The following GALNT13 variants were observed in gnomAD, a reference collection of about 807,000 sequenced individuals.
The protein encoded by GALNT13 is polypeptide N-acetylgalactosaminyltransferase 13, also known as UDP-GalNAc:polypeptide N-acetylgalactosaminyltransferase 13.
A neutral mutation model predicts 64.2 loss-of-function variants in GALNT13; 28 were observed. The ratio of observed to expected loss-of-function variants is 0.44; its 90% CI spans 0.32 to 0.60. The LOEUF (loss-of-function observed/expected upper bound fraction) is 0.60, where lower values mean the gene tolerates loss of function less well. GALNT13 is among the 20% of genes least tolerant of loss of function. The pLI, the probability that GALNT13 is intolerant of heterozygous loss-of-function variation, is 0.05. For synonymous variants in GALNT13, 214 were observed against 224.6 expected (o/e 0.95, Z 0.42); for missense variants, 577 against 669.8 (o/e 0.86, Z 1.53).
At chr2:153,079,807 C>T in the GALNT13 span, among the ~76,000 whole-genome samples, 6 of 152,222 alleles carry the variant, frequency 3.9e-5, no homozygotes, top group East Asian at 1.9e-4. Flanking sequence ...GAAGTAGTTG[C>T]GTTATTGGCT....
the GALNT13 span, among the ~76,000 whole-genome samples, chr2:153,489,920 G>A: frequency 6.6e-6 from 1 of 151,920 alleles, no homozygotes; most frequent in Admixed American, 6.6e-5. Flanking sequence ...GGAGTTTGAA[G>A]CTACAGTGAG....
intron 9 of GALNT13, among the ~76,000 whole-genome samples, chr2:154,320,130 T>C (rs1177102451): frequency 6.6e-6 from 1 of 152,130 alleles, no homozygotes; most frequent in Non-Finnish European, 1.5e-5. Flanking sequence ...AGGGTAGCTA[T>C]TTACCAAGAT....
the GALNT13 span, among the ~76,000 whole-genome samples, chr2:153,797,651 A>G: frequency 1.2e-4 from 18 of 152,184 alleles, no homozygotes; most frequent in Non-Finnish European, 2.4e-4. Context: ...GTGTTATAAA[A>G]GAATTAGAAA....
chr2:153,521,817 T>A, the GALNT13 span, among the ~76,000 whole-genome samples: 1 of 152,188 alleles, frequency 6.6e-6, no homozygotes, highest in Non-Finnish European at 1.5e-5. Flanking sequence ...ATTGATCTCT[T>A]TCCCTTAGTA....
the GALNT13 span, among the ~76,000 whole-genome samples, chr2:153,829,309 T>C: frequency 0.73 from 111,199 of 151,924 alleles, 42,459 homozygotes; most frequent in Non-Finnish European, 0.83. Flanking sequence ...AAGACTGGGT[T>C]ATTTACAAAA....
the GALNT13 span, among the ~76,000 whole-genome samples, chr2:153,582,021 A>G: frequency 6.6e-6 from 1 of 152,288 alleles, no homozygotes; most frequent in Admixed American, 6.5e-5. Flanking sequence ...AAGGCAAAGC[A>G]GAGATTCAAG....
chr2:153,937,637 A>G (rs1422958399), intron 2 of GALNT13, among the ~76,000 whole-genome samples: 1 of 152,212 alleles, frequency 6.6e-6, no homozygotes, highest in Non-Finnish European at 1.5e-5. Flanking sequence ...TTATATCTCA[A>G]TAAAACTTTT....
the GALNT13 span, among the ~76,000 whole-genome samples, chr2:153,164,589 T>C: frequency 0.12 from 17,995 of 152,238 alleles, 1,164 homozygotes; most frequent in Non-Finnish European, 0.15. Flanking sequence ...GACCCCATCA[T>C]CACAATCAAG....
chr2:153,664,235 C>G, the GALNT13 span, among the ~76,000 whole-genome samples: 1 of 152,148 alleles, frequency 6.6e-6, no homozygotes, highest in African/African-American at 2.4e-5. Flanking sequence ...CAGACACTCC[C>G]AGAGTGGCCG....
chr2:153,816,659 T>G, the GALNT13 span, among the ~76,000 whole-genome samples: 1 of 152,162 alleles, frequency 6.6e-6, no homozygotes, highest in African/African-American at 2.4e-5. Context: ...TATAAAAGAT[T>G]GATAATTAAT....
chr2:153,973,633 T>G (rs1693887139), intron 3 of GALNT13, among the ~76,000 whole-genome samples: 1 of 151,946 alleles, frequency 6.6e-6, no homozygotes, highest in East Asian at 1.9e-4. Context: ...CAGTTTGAGT[T>G]CAGAACCTAT....
At chr2:153,209,936 A>T in the GALNT13 span, among the ~76,000 whole-genome samples, 1 of 152,060 alleles carries the variant, frequency 6.6e-6, no homozygotes, top group Non-Finnish European at 1.5e-5. Context: ...ATTGTAAGTG[A>T]TATTTTAACA....
At chr2:153,525,779 A>T in the GALNT13 span, among the ~76,000 whole-genome samples, 2 of 152,098 alleles carry the variant, frequency 1.3e-5, no homozygotes. Context: ...TAGTTCTTAG[A>T]TGGCATTTCT....
At chr2:153,987,765 T>C (rs767591799) in intron 3 of GALNT13, among the ~76,000 whole-genome samples, 2 of 151,950 alleles carry the variant, frequency 1.3e-5, no homozygotes, top group Non-Finnish European at 1.5e-5. Context: ...TAACTCACCC[T>C]GAGTTGGGAG....
At chr2:153,090,252 T>G in the GALNT13 span, among the ~76,000 whole-genome samples, 1 of 152,170 alleles carries the variant, frequency 6.6e-6, no homozygotes, top group Non-Finnish European at 1.5e-5. Flanking sequence ...CAGGGCAAGA[T>G]GGCTCCAGGC....
At position 154,140,836 on chromosome 2, in the gene GALNT13, C is replaced by T. The variant is rs114234402; in HGVS notation, c.311+331C>T. ...AATATGCTCTTTAGTAGATTACAGT[C>T]GTATATTGCTTAACACTGCAGAAAT... On this transcript the variant is annotated intron_variant, in intron 4 of 12. Transcript: ENST00000392825. Among the ~76,000 whole-genome samples the T allele has an allele frequency of 2.5e-3, 376 of 152,128 alleles. 4 individuals carry two copies. Among genetic ancestry groups the T allele is most frequent in the Admixed American group, 5.3e-3 (81 of 15,270 alleles).
At chr2:153,080,446 C>T in the GALNT13 span, among the ~76,000 whole-genome samples, 2 of 152,014 alleles carry the variant, frequency 1.3e-5, no homozygotes, top group African/African-American at 4.8e-5. Flanking sequence ...TAATACCATG[C>T]TTTTAATTTT....
chr2:153,981,324 G>A (rs544531855), intron 3 of GALNT13, among the ~76,000 whole-genome samples: 14 of 152,092 alleles, frequency 9.2e-5, no homozygotes, highest in South Asian at 4.2e-4. Flanking sequence ...CCATTAACTC[G>A]TCATTTACGT....
chr2:154,278,040 T>C (rs1464993862), intron 8 of GALNT13, among the ~76,000 whole-genome samples: 1 of 152,196 alleles, frequency 6.6e-6, no homozygotes, highest in Non-Finnish European at 1.5e-5. Flanking sequence ...ATGTGATCCC[T>C]GACCAAAATA....
Sources: allele counts gnomAD v4.1 joint callset (sites outside exome capture counted in the v4.1 genomes callset), GRCh38; gene constraint gnomAD v4.1.1; transcripts MANE v1.5; gene names NCBI Gene and HGNC (gene_info 2026-07-23, HGNC 2026-07-21).